PDZRN4: variants seen among roughly 807,000 people sequenced by gnomAD.
The protein encoded by PDZRN4 is PDZ domain containing ring finger 4.
Under a neutral mutation model 99.0 loss-of-function variants are expected in PDZRN4, and 70 were observed. That is an observed-to-expected ratio of 0.71 (90% CI 0.58 to 0.86). The LOEUF is 0.86. PDZRN4 is among the 40% of genes least tolerant of loss of function. PDZRN4 has a pLI of 0.00. For missense variants in PDZRN4, 1,474 were observed against 1,331.2 expected, an observed-to-expected ratio of 1.11 and a Z score of -1.67; for synonymous variants, 551 against 501.6, an observed-to-expected ratio of 1.10 and a Z score of -1.32.
chr12:41,199,924 T>C lies in PDZRN4; in HGVS notation c.843+5736T>C, dbSNP rs147751976. On this transcript the variant is annotated intron_variant, in intron 3 of 9. Coordinates refer to ENST00000402685, the MANE Select transcript of PDZRN4 (RefSeq NM_001164595.2). The stretch of plus-strand genomic sequence containing the variant: ...TACTTAGTGGGTACAATGCATCTTA[T>C]TCAGGTCATGTTTACCTAAAAGCCC... 6.8e-3 allele frequency among the ~76,000 whole-genome samples: 1,041 copies of C among 152,210 alleles called. 7 individuals carry two copies. The highest frequency in any genetic ancestry group is 0.024 in the African/African-American group (1,004 of 41,532).
chr12:41,451,174 T>TA (rs34555314), intron 3 of PDZRN4, among the ~76,000 whole-genome samples: 40,508 of 149,074 alleles, frequency 0.27, 6,337 homozygotes, highest in African/African-American at 0.43. Context: ...AATTTAGATT[T>TA]AAAAAAAAAA....
intron 3 of PDZRN4, among the ~76,000 whole-genome samples, chr12:41,206,054 T>C (rs1003789909): frequency 2.6e-5 from 4 of 151,964 alleles, no homozygotes; most frequent in African/African-American, 9.7e-5. Flanking sequence ...TATTGTAGCA[T>C]TTCACTATAT....
intron 3 of PDZRN4, among the ~76,000 whole-genome samples, chr12:41,414,360 T>C (rs1443584867): frequency 6.6e-6 from 1 of 152,166 alleles, no homozygotes; most frequent in Non-Finnish European, 1.5e-5. Context: ...TCTACTTCTC[T>C]AGCAAGATTA....
chr12:41,506,841 A>G (rs1259033117), intron 4 of PDZRN4, 129 bp downstream of exon 4: 2 of 992,312 alleles, frequency 2.0e-6, no homozygotes, highest in Admixed American at 5.2e-5. Context: ...CCGTTTGGAA[A>G]ATGTCTCCCC....
At chr12:41,432,055 T>A (rs1267981153) in intron 3 of PDZRN4, among the ~76,000 whole-genome samples, 1 of 152,206 alleles carries the variant, frequency 6.6e-6, no homozygotes, top group African/African-American at 2.4e-5. Context: ...TTAGATGATA[T>A]ACAACTACAA....
At position 41,574,159 on chromosome 12, in the gene PDZRN4, A is replaced by G. The variant is rs1316774704; in HGVS notation, c.*269A>G. On this transcript the variant is annotated 3_prime_UTR_variant, in exon 10 of 10. Coordinates refer to ENST00000402685, the MANE Select transcript of PDZRN4 (RefSeq NM_001164595.2). Reference sequence around the variant, plus strand: ...AAACAAAAGGAAAGAAAACAAAAAAAACTTGCACAAAAATACTGAGGAGCC... The same window carrying G: ...AAACAAAAGGAAAGAAAACAAAAAAGACTTGCACAAAAATACTGAGGAGCC... 7.9e-6 allele frequency: 2 copies of G among 252,934 alleles called. No individual in the cohort carries two copies. Among genetic ancestry groups the G allele is most frequent in the Non-Finnish European group, 7.4e-6 (1 of 134,970 alleles). The allele number at this position is 252,934 out of a possible 1,614,324, so 15.7% of individuals were successfully genotyped here. A position where few individuals can be genotyped will look rare whatever the true frequency, so the allele number is the denominator to read the frequency against.
intron 3 of PDZRN4, among the ~76,000 whole-genome samples, chr12:41,434,484 A>C (rs1336288286): frequency 6.6e-6 from 1 of 152,100 alleles, no homozygotes; most frequent in Non-Finnish European, 1.5e-5. Flanking sequence ...TTTAATCTTC[A>C]ATTATTAGTC....
intron 5 of PDZRN4, among the ~76,000 whole-genome samples, chr12:41,515,899 A>G (rs2120699899): frequency 6.6e-6 from 1 of 151,784 alleles, no homozygotes; most frequent in Middle Eastern, 3.4e-3. Context: ...ATTAATTCTG[A>G]AATCCTCTGC....
chr12:41,545,346 G>GT lies in PDZRN4; in HGVS notation c.1204-7310_1204-7309insT, dbSNP rs1343694986. ...GTTTCCTACCTCTGTGCCTTTGCAT[G>GT]GTCAATGTTTCTCTGTTTGGAAATT... On this transcript the variant is annotated intron_variant, in intron 5 of 9. Coordinates refer to ENST00000402685, the MANE Select transcript of PDZRN4 (RefSeq NM_001164595.2). 5.6e-4 allele frequency among the ~76,000 whole-genome samples: 85 copies of GT among 152,160 alleles called. 1 individual carries two copies. Among genetic ancestry groups the GT allele is most frequent in the African/African-American group, 2.0e-3 (82 of 41,502 alleles).
At chr12:41,222,111 C>A (rs1950959598) in intron 3 of PDZRN4, among the ~76,000 whole-genome samples, 1 of 152,114 alleles carries the variant, frequency 6.6e-6, no homozygotes, top group Non-Finnish European at 1.5e-5. Flanking sequence ...AGCATATGAC[C>A]AGAGGCCCTC....
chr12:41,197,918 G>GTTTTTTT (rs1491129322), intron 3 of PDZRN4, among the ~76,000 whole-genome samples: 3 of 114,576 alleles, frequency 2.6e-5, no homozygotes, highest in Non-Finnish European at 3.5e-5. Flanking sequence ...TGTTTTTTCT[G>GTTTTTTT]GGTTTTTTTT....
chr12:41,306,801 A>C (rs1210527750), intron 3 of PDZRN4, among the ~76,000 whole-genome samples: 2 of 152,132 alleles, frequency 1.3e-5, no homozygotes, highest in African/African-American at 4.8e-5. Context: ...TAGAACACAA[A>C]AACAATTCAG....
chr12:41,203,729 A>C (rs1431108), intron 3 of PDZRN4, among the ~76,000 whole-genome samples: 102,250 of 151,710 alleles, frequency 0.67, 34,604 homozygotes, highest in South Asian at 0.74. Flanking sequence ...ATTGCTTAAT[A>C]CTACCTATTA....
chr12:41,459,837 G>A (rs1444224955), intron 3 of PDZRN4: 1 of 713,596 alleles, frequency 1.4e-6, no homozygotes, highest in Non-Finnish European at 2.0e-6. Context: ...ACATTCAGGG[G>A]TATTGGGAAA....
intron 3 of PDZRN4, among the ~76,000 whole-genome samples, chr12:41,435,328 A>G (rs990417725): frequency 2.0e-5 from 3 of 152,226 alleles, no homozygotes; most frequent in Admixed American, 6.5e-5. Flanking sequence ...TACAGAGAAG[A>G]GAGCTCCAAT....
chr12:41,372,376 G>A (rs114024210), intron 3 of PDZRN4, among the ~76,000 whole-genome samples: 715 of 152,220 alleles, frequency 4.7e-3, no homozygotes, highest in Non-Finnish European at 6.6e-3. Flanking sequence ...CAAACTAGTC[G>A]GGTGGAAATG....
chr12:41,322,681 A>G (rs1252225180), intron 3 of PDZRN4, among the ~76,000 whole-genome samples: 1 of 151,722 alleles, frequency 6.6e-6, no homozygotes, highest in Non-Finnish European at 1.5e-5. Flanking sequence ...TATTTTTAGT[A>G]GAGACAGGTT....
intron 5 of PDZRN4, among the ~76,000 whole-genome samples, chr12:41,529,870 T>C (rs1938630573): frequency 6.6e-6 from 1 of 152,198 alleles, no homozygotes; most frequent in Non-Finnish European, 1.5e-5. Flanking sequence ...TATCCTCTTC[T>C]GGACCTAATG....
intron 3 of PDZRN4, among the ~76,000 whole-genome samples, chr12:41,310,290 T>G (rs987294169): frequency 3.6e-4 from 55 of 152,010 alleles, no homozygotes; most frequent in African/African-American, 1.3e-3. Flanking sequence ...ATGCATATAT[T>G]TAAAGTGTTA....
Sources: allele counts gnomAD v4.1 joint callset (sites outside exome capture counted in the v4.1 genomes callset), GRCh38; gene constraint gnomAD v4.1.1; transcripts MANE v1.5; gene names NCBI Gene and HGNC (gene_info 2026-07-23, HGNC 2026-07-21).